UBR3: variants seen among roughly 807,000 people sequenced by gnomAD.
UBR3 encodes E3 ubiquitin-protein ligase UBR3.
In UBR3, 85 loss-of-function variants were observed where a neutral mutation model predicts 243.2. The ratio of observed to expected loss-of-function variants is 0.35; its 90% CI spans 0.29 to 0.42. The LOEUF is 0.42. UBR3 is among the 10% of genes least tolerant of loss of function. The pLI is 1.00. For missense variants in UBR3, 1,686 were observed against 2,300.8 expected (o/e 0.73, Z 5.47); for synonymous variants, 748 against 799.8 (o/e 0.94, Z 1.09).
At chr2:169,869,448 T>C (rs892342259) in intron 1 of UBR3, among the ~76,000 whole-genome samples, 1 of 152,042 alleles carries the variant, frequency 6.6e-6, no homozygotes, top group Non-Finnish European at 1.5e-5. Context: ...GGTCTCAAAC[T>C]CCTGACCTCA....
chr2:169,944,244 G>A (rs1278647853), intron 20 of UBR3, among the ~76,000 whole-genome samples: 4 of 152,084 alleles, frequency 2.6e-5, no homozygotes, highest in Non-Finnish European at 4.4e-5. Flanking sequence ...ATAAGTGAAA[G>A]TTCTGTTATT....
In UBR3 at chr2:169,994,423, G is replaced by C. The variant is rs754087860; in HGVS notation, c.3885G>C (p.Val1295=). 2.5e-6 allele frequency: 4 copies of C among 1,614,120 alleles called. No individual in the cohort carries two copies. The Admixed American group carries it at 6.7e-5, about 27-fold the overall frequency. ...ATACCTGTGCAGCCGTTCATGATGT[G>C]AGGCTTTCATTATTACAGCGTTATT... The part of the protein sequence containing the change: ...PWDTCAAVHD[V]RLSLLQRYFK... Residue 1295 remains valine, a synonymous_variant, in exon 26 of 39, where the codon GTG becomes GTC. Transcript: ENST00000272793.
intron 20 of UBR3, among the ~76,000 whole-genome samples, chr2:169,942,890 A>T (rs1448771172): frequency 6.6e-6 from 1 of 152,192 alleles, no homozygotes; most frequent in South Asian, 2.1e-4. Flanking sequence ...GATTCTGTAG[A>T]ACAGTAAGTG....
rs148457304 is a variant in UBR3 at position 169,872,819 on chromosome 2, T to C, written c.685+444T>C. ...TCTCTATATATTATATAATAACTTA[T>C]GATAGGGTCAAATTGCTGACTTCCA... On this transcript the variant is annotated intron_variant, in intron 2 of 38. Transcript: ENST00000272793. Among the ~76,000 whole-genome samples, 1,186 of 152,130 alleles carry C rather than the reference T, an allele frequency of 7.8e-3. 13 individuals are homozygous for C. Among genetic ancestry groups the C allele is most frequent in the African/African-American group, 0.026 (1,070 of 41,532 alleles).
At chr2:169,986,304 A>T (rs193191076) in intron 24 of UBR3, among the ~76,000 whole-genome samples, 25 of 152,286 alleles carry the variant, frequency 1.6e-4, no homozygotes, top group East Asian at 9.6e-4. Context: ...TAAAACAAAC[A>T]TCTCCCTTCT....
intron 31 of UBR3, among the ~76,000 whole-genome samples, chr2:170,039,155 GAAGACTA>G (rs1163906581): frequency 1.3e-5 from 2 of 152,128 alleles, no homozygotes; most frequent in Admixed American, 1.3e-4. Context: ...AACCTGTGAA[GAAGACTA>G]AAGTGGAGTA....
intron 1 of UBR3, among the ~76,000 whole-genome samples, chr2:169,840,027 C>T (rs1220213420): frequency 6.6e-6 from 1 of 152,152 alleles, no homozygotes; most frequent in African/African-American, 2.4e-5. Flanking sequence ...GAGGCTTGGA[C>T]TGCTTCTGTG....
chr2:169,917,789 A>G (rs1027120960), intron 11 of UBR3, among the ~76,000 whole-genome samples: 5 of 151,976 alleles, frequency 3.3e-5, no homozygotes, highest in African/African-American at 9.7e-5. Flanking sequence ...TGCAACCTCC[A>G]CCTCCTGGGT....
chr2:169,901,938 C>T lies in UBR3; in HGVS notation c.1466-3176C>T, dbSNP rs186854738. ...CAGACTGCCTTTCCTCCCTGCATAT[C>T]AAACTACTTATTGAACTATATTGTT... On this transcript the variant is annotated intron_variant, in intron 8 of 38. Transcript: ENST00000272793. Among the ~76,000 whole-genome samples the T allele has an allele frequency of 3.0e-4, 46 of 152,294 alleles. No homozygotes were observed. The East Asian group carries it at 4.2e-3, about 14-fold the overall frequency.
At chr2:169,895,156 G>A (rs1290885605) in intron 6 of UBR3, 25 bp from the exon 7 acceptor site, 3 of 1,484,698 alleles carry the variant, frequency 2.0e-6, no homozygotes, top group African/African-American at 2.9e-5. Context: ...ATCATTAACT[G>A]ATAAATTTCA....
intron 36 of UBR3, chr2:170,078,206 C>CAA: frequency 1.9e-6 from 1 of 513,768 alleles, no homozygotes; most frequent in South Asian, 1.7e-5. Flanking sequence ...ATAAGCCTCT[C>CAA]AACTTTCCTT....
At chr2:169,915,426 G>A (rs909245433) in intron 11 of UBR3, among the ~76,000 whole-genome samples, 2 of 152,112 alleles carry the variant, frequency 1.3e-5, no homozygotes, top group African/African-American at 4.8e-5. Flanking sequence ...AGTAGGGACG[G>A]AGTTTCACCA....
intron 24 of UBR3, among the ~76,000 whole-genome samples, chr2:169,978,768 G>T (rs1396238818): frequency 6.6e-6 from 1 of 152,120 alleles, no homozygotes; most frequent in African/African-American, 2.4e-5. Flanking sequence ...GGAGAAGGGT[G>T]TCTCAGCAGC....
At chr2:169,869,322 A>G (rs1378878175) in intron 1 of UBR3, among the ~76,000 whole-genome samples, 1 of 148,430 alleles carries the variant, frequency 6.7e-6, no homozygotes, top group African/African-American at 2.5e-5. Context: ...CCCGGTTTCA[A>G]GTGATTCTCC....
intron 19 of UBR3, among the ~76,000 whole-genome samples, chr2:169,933,616 A>G (rs1251106629): frequency 1.3e-5 from 2 of 152,184 alleles, no homozygotes; most frequent in Non-Finnish European, 2.9e-5. Flanking sequence ...ATATTGCCAA[A>G]TATCACAAGA....
At chr2:169,864,850 T>C (rs891318406) in intron 1 of UBR3, among the ~76,000 whole-genome samples, 5 of 139,882 alleles carry the variant, frequency 3.6e-5, no homozygotes, top group Admixed American at 2.5e-4. Flanking sequence ...GAGCTTGCAG[T>C]GAGCCAAGAT....
At chr2:169,831,040 G>T (rs1329354411) in intron 1 of UBR3, among the ~76,000 whole-genome samples, 1 of 140,736 alleles carries the variant, frequency 7.1e-6, no homozygotes, top group African/African-American at 2.7e-5. Context: ...CATGGTATTT[G>T]CTTTTACTGG....
intron 35 of UBR3, among the ~76,000 whole-genome samples, chr2:170,064,618 A>G (rs1440542266): frequency 6.6e-6 from 1 of 151,960 alleles, no homozygotes; most frequent in Non-Finnish European, 1.5e-5. Context: ...TTTATGAAAT[A>G]ATGTAACTTT....
At position 169,875,859 on chromosome 2, in the gene UBR3, T is replaced by A. The variant is rs1365451871; in HGVS notation, c.754T>A (p.Leu252Ile). ...LQLLEPQISF[L>I]EDLTKMGGAM... is the part of the protein sequence containing the mutation. Reference sequence around the variant, plus strand: ...GCTTTTGGAACCTCAAATTTCCTTTTTAGAAGACCTGACTAAAATGGGAGG... The same window carrying A: ...GCTTTTGGAACCTCAAATTTCCTTTATAGAAGACCTGACTAAAATGGGAGG... Residue 252 changes from leucine to isoleucine, a missense_variant, in exon 3 of 39, where the codon TTA becomes ATA. Transcript: ENST00000272793. 1 of 1,550,328 alleles carries A rather than the reference T, an allele frequency of 6.5e-7. No individual in the cohort carries two copies. The highest frequency in any genetic ancestry group is 8.7e-7 in the Non-Finnish European group (1 of 1,146,248).
Sources: allele counts gnomAD v4.1 joint callset (sites outside exome capture counted in the v4.1 genomes callset), GRCh38; gene constraint gnomAD v4.1.1; transcripts MANE v1.5; gene names NCBI Gene and HGNC (gene_info 2026-07-23, HGNC 2026-07-21).